XKR4: variants seen among roughly 807,000 people sequenced by gnomAD.
XKR4 encodes XK-related protein 4.
Under a neutral mutation model 53.9 loss-of-function variants are expected in XKR4, and 12 were observed. The observed-to-expected ratio is 0.22, with a 90% CI of 0.14 to 0.36. The LOEUF is 0.36. Among genes scored for constraint, XKR4 ranks in the 10% least tolerant of loss-of-function variants. The probability of loss-of-function intolerance (pLI) is 1.00; values close to 1 mark genes in which losing one functional copy is unlikely to be tolerated. For missense variants in XKR4, 799 were observed against 859.5 expected (o/e 0.93, Z 0.88); for synonymous variants, 354 against 362.4 (o/e 0.98, Z 0.26).
At chr8:55,113,816 G>A (rs762516546) in intron 1 of XKR4, among the ~76,000 whole-genome samples, 1 of 152,164 alleles carries the variant, frequency 6.6e-6, no homozygotes, top group Non-Finnish European at 1.5e-5. Flanking sequence ...TTAGAAGTGA[G>A]AAGATGTGTT....
chr8:55,481,761 A>C (rs560562480), intron 2 of XKR4, among the ~76,000 whole-genome samples: 2,435 of 152,282 alleles, frequency 0.016, 66 homozygotes, highest in African/African-American at 0.056. Context: ...TTCTCAAAAG[A>C]AGACATTTAT....
chr8:55,102,388 C>A lies in XKR4; in HGVS notation c.-101C>A. 7.2e-7 allele frequency: 1 copy of A among 1,383,176 alleles called. No homozygotes were observed. The allele number at this position is 1,383,176 out of a possible 1,614,324, so 85.7% of individuals were successfully genotyped here. ...AGCAGGAGGAGGGGGAGCCGCACCG[C>A]CTGGGAGGGAAGCCGGGGCGAGGCG... On this transcript the variant is annotated 5_prime_UTR_variant, in exon 1 of 3. Transcript: ENST00000327381. This position sits in a 1 kb window ranked among gnomAD's most constrained non-coding sequence, Gnocchi z 5.1.
At chr8:55,476,916 C>A (rs1805997434) in intron 2 of XKR4, among the ~76,000 whole-genome samples, 1 of 152,126 alleles carries the variant, frequency 6.6e-6, no homozygotes. Flanking sequence ...GGGTGGAGCC[C>A]ACCACAGCTC....
chr8:55,329,448 A>G (rs1482770120), intron 1 of XKR4, among the ~76,000 whole-genome samples: 1 of 151,658 alleles, frequency 6.6e-6, no homozygotes, highest in Non-Finnish European at 1.5e-5. Flanking sequence ...GCCCACAACA[A>G]TTTTTCTTCT....
At chr8:55,107,073 G>A (rs1563457884) in intron 1 of XKR4, among the ~76,000 whole-genome samples, 1 of 151,954 alleles carries the variant, frequency 6.6e-6, no homozygotes, top group Admixed American at 6.6e-5. Context: ...CAAAGCACTT[G>A]GATAAATATG....
chr8:55,498,280 G>A (rs1806386899), intron 2 of XKR4, among the ~76,000 whole-genome samples: 1 of 152,200 alleles, frequency 6.6e-6, no homozygotes, highest in Non-Finnish European at 1.5e-5. Flanking sequence ...AGGGAAGACG[G>A]ATCCCCATGG....
intron 1 of XKR4, among the ~76,000 whole-genome samples, chr8:55,341,770 A>T (rs1803549805): frequency 6.6e-6 from 1 of 152,098 alleles, no homozygotes; most frequent in African/African-American, 2.4e-5. Flanking sequence ...GACCTCCTGA[A>T]CATTCACACC....
intron 1 of XKR4, among the ~76,000 whole-genome samples, chr8:55,353,770 G>A (rs1240449714): frequency 6.6e-6 from 1 of 152,236 alleles, no homozygotes; most frequent in African/African-American, 2.4e-5. Flanking sequence ...CAGCCATGGA[G>A]GTAGAAGAAA....
intron 2 of XKR4, among the ~76,000 whole-genome samples, chr8:55,428,126 ATACATGC>A (rs1373242100): frequency 4.6e-5 from 7 of 152,230 alleles, no homozygotes; most frequent in Middle Eastern, 3.2e-3. Flanking sequence ...AAGATGTAGT[ATACATGC>A]ATATCCTATT....
chr8:55,189,947 C>A (rs577420468), intron 1 of XKR4, among the ~76,000 whole-genome samples: 1 of 152,312 alleles, frequency 6.6e-6, no homozygotes, highest in Admixed American at 6.5e-5. Context: ...CCTTAAAGAA[C>A]TTTGGTTCTG....
chr8:55,371,775 T>G (rs1162567723), intron 2 of XKR4, among the ~76,000 whole-genome samples: 1 of 152,224 alleles, frequency 6.6e-6, no homozygotes, highest in Non-Finnish European at 1.5e-5. Flanking sequence ...CAAGTTATAC[T>G]TAGAAGAACA....
chr8:55,519,414 T>C (rs894044403), intron 2 of XKR4, among the ~76,000 whole-genome samples: 1 of 152,234 alleles, frequency 6.6e-6, no homozygotes, highest in South Asian at 2.1e-4. Context: ...ATGTCACTTA[T>C]ATATTCCTGC....
At chr8:55,235,594 A>G (rs1014537952) in intron 1 of XKR4, among the ~76,000 whole-genome samples, 1 of 152,178 alleles carries the variant, frequency 6.6e-6, no homozygotes, top group Non-Finnish European at 1.5e-5. Context: ...ATTTGCAGGT[A>G]TGTTTACAAG....
Position 55,523,335 on chromosome 8 carries a change from A to G in XKR4, c.1061A>G (p.Gln354Arg). ...VSLAWALASYQKALRDSRDDK... is the reference protein window; with the variant it reads ...VSLAWALASYRKALRDSRDDK... ...CTGGCCTGGGCCTTGGCCTCCTACC[A>G]GAAGGCCCTCCGGGACTCTCGAGAT... Residue 354 changes from glutamine (Q) to arginine (R), a missense_variant, in exon 3 of 3, where the codon CAG (glutamine) becomes CGG (arginine). Gln to Arg is a conservative substitution (Grantham distance 43). Transcript: ENST00000327381. The G allele has an allele frequency of 1.2e-6, 2 of 1,614,074 alleles. No individual in the cohort carries two copies. Among genetic ancestry groups the G allele is most frequent in the South Asian group, 2.2e-5 (2 of 91,060 alleles).
intron 2 of XKR4, among the ~76,000 whole-genome samples, chr8:55,436,533 A>T (rs551661049): frequency 6.6e-6 from 1 of 152,316 alleles, no homozygotes; most frequent in South Asian, 2.1e-4. Context: ...TTTTTCCATT[A>T]CTTCGGAAAA....
intron 2 of XKR4, among the ~76,000 whole-genome samples, chr8:55,372,835 G>GC (rs1182436060): frequency 6.6e-6 from 1 of 152,156 alleles, no homozygotes; most frequent in African/African-American, 2.4e-5. Flanking sequence ...TTTTAAAACA[G>GC]CTTTTTTCCC....
At chr8:55,125,982 A>G (rs1448381234) in intron 1 of XKR4, among the ~76,000 whole-genome samples, 1 of 152,090 alleles carries the variant, frequency 6.6e-6, no homozygotes, top group African/African-American at 2.4e-5. Flanking sequence ...TCACCTGGAG[A>G]GGTGGAGAAT....
At chr8:55,335,408 A>G (rs571601040) in intron 1 of XKR4, among the ~76,000 whole-genome samples, 1 of 152,354 alleles carries the variant, frequency 6.6e-6, no homozygotes, top group East Asian at 1.9e-4. Context: ...TAGATCTTAA[A>G]AACATGACAC....
chr8:55,453,717 T>G (rs1805498632), intron 2 of XKR4: 1 of 388,404 alleles, frequency 2.6e-6, no homozygotes, highest in Non-Finnish European at 5.0e-6. Context: ...GGCCTCTGCA[T>G]GTTGTGCATC....
Sources: gnomAD v4.1 joint callset for allele counts (sites outside exome capture counted in the v4.1 genomes callset) on GRCh38, gnomAD v4.1.1 for gene constraint, Gnocchi (gnomAD v3.1) non-coding constraint, MANE v1.5 for transcripts, NCBI Gene and HGNC (gene_info 2026-07-23, HGNC 2026-07-21) for gene names.